ALPK3: variants seen among roughly 807,000 people sequenced by gnomAD.
ALPK3 encodes alpha kinase 3, also known as alpha-protein kinase 3.
Under a neutral mutation model 140.0 loss-of-function variants are expected in ALPK3, and 102 were observed. That is an observed-to-expected ratio of 0.73 (90% CI 0.62 to 0.86). ALPK3 has a LOEUF of 0.86. Among genes scored for constraint, ALPK3 ranks in the 40% least tolerant of loss-of-function variants. The probability of loss-of-function intolerance (pLI) is 0.00; values close to 1 mark genes in which losing one functional copy is unlikely to be tolerated. For missense variants in ALPK3, 2,254 were observed against 2,208.2 expected (o/e 1.02, Z -0.42); for synonymous variants, 938 against 898.5 (o/e 1.04, Z -0.79).
Position 84,859,859 on chromosome 15 carries a change from A to G in ALPK3, c.4049A>G (p.Asn1350Ser). ...DCGVYRCTIH[N>S]EHGSASTDFC... Reference sequence around the variant, plus strand: ...GGTGTGTATCGGTGCACCATCCACAATGAGCACGGCTCGGCCTCCACCGAC... The same window carrying G: ...GGTGTGTATCGGTGCACCATCCACAGTGAGCACGGCTCGGCCTCCACCGAC... The change falls in exon 8 of 14, where the codon AAT (asparagine) becomes AGT (serine). Residue 1350 changes from asparagine (N) to serine (S), a missense_variant. This residue lies in a region of ALPK3 where 2,088 missense variants were observed against 2,022.9 expected (regional missense o/e 1.03). Coordinates refer to ENST00000258888, the MANE Select transcript of ALPK3 (RefSeq NM_020778.5). 6.2e-7 allele frequency: 1 copy of G among 1,614,028 alleles called. No homozygotes were observed. Among genetic ancestry groups the G allele is most frequent in the Non-Finnish European group, 8.5e-7 (1 of 1,180,016 alleles).
intron 1 of ALPK3, among the ~76,000 whole-genome samples, chr15:84,822,625 A>G (rs1963440370): frequency 6.6e-6 from 1 of 152,160 alleles, no homozygotes; most frequent in Non-Finnish European, 1.5e-5. Context: ...TAAGTGGGCT[A>G]GACTCCACTA....
At chr15:84,828,391 A>C (rs1963512115) in intron 3 of ALPK3, among the ~76,000 whole-genome samples, 1 of 152,162 alleles carries the variant, frequency 6.6e-6, no homozygotes, top group Non-Finnish European at 1.5e-5. Flanking sequence ...CCTCTCCCCC[A>C]GATCACCCAG....
chr15:84,859,568 G>A (rs1963916393), intron 7 of ALPK3, among the ~76,000 whole-genome samples, 178 bp downstream of exon 7: 1 of 152,180 alleles, frequency 6.6e-6, no homozygotes, highest in Admixed American at 6.5e-5. Flanking sequence ...TAAGCCACTT[G>A]TCCAAAGCCA....
In ALPK3 at chr15:84,840,065, T is replaced by C. The variant is rs769935855; in HGVS notation, c.786T>C (p.Gly262=). The C allele has an allele frequency of 6.2e-6, 10 of 1,612,400 alleles. No homozygotes were observed. The highest frequency in any genetic ancestry group is 8.5e-6 in the Non-Finnish European group (10 of 1,179,568). ...EGETETAQHS[G]LGLINSFASG... is the part of the protein sequence containing the mutation. ...AGACTGAGACTGCTCAGCACTCAGGTTTGGGCCTGATCAACAGTTTTGCTT... is the reference window on the plus strand; with the variant it reads ...AGACTGAGACTGCTCAGCACTCAGGCTTGGGCCTGATCAACAGTTTTGCTT... The change falls in exon 5 of 14, where the codon GGT becomes GGC. Residue 262 remains glycine, a synonymous_variant. Coordinates refer to ENST00000258888, the MANE Select transcript of ALPK3 (RefSeq NM_020778.5).
chr15:84,840,299 T>C lies in ALPK3; in HGVS notation c.1020T>C (p.Arg340=), dbSNP rs1246271924. The C allele has an allele frequency of 2.5e-6, 4 of 1,614,012 alleles. No individual in the cohort carries two copies. The highest frequency in any genetic ancestry group is 2.5e-6 in the Non-Finnish European group (3 of 1,180,024). Reference sequence around the variant, plus strand: ...TAGAGAAGGCAGCCCAAAGCCGCCGTTCTTCAGAAAACTGCATCCCCAGCT... The same window carrying C: ...TAGAGAAGGCAGCCCAAAGCCGCCGCTCTTCAGAAAACTGCATCCCCAGCT... The part of the protein sequence containing the change: ...PELEKAAQSR[R]SSENCIPSSD... Residue 340 remains arginine, a synonymous_variant, in exon 5 of 14, where the codon CGT becomes CGC. Coordinates refer to ENST00000258888, the MANE Select transcript of ALPK3 (RefSeq NM_020778.5).
Position 84,862,672 on chromosome 15 carries a change from T to G in ALPK3, c.4167T>G (p.Ala1389=), listed in dbSNP as rs752626661. The G allele has an allele frequency of 4.3e-6, 7 of 1,614,132 alleles. No homozygotes were observed. Among genetic ancestry groups the G allele is most frequent in the Admixed American group, 3.3e-5 (2 of 60,024 alleles). The change falls in exon 10 of 14, where the codon GCT becomes GCG. Residue 1389 remains alanine (A), a synonymous_variant. Transcript: ENST00000258888. ...TTGAGATGACCCCTATGGTGTTTGC[T>G]AAGGGTCTGGCTGACTCTGGCTGCT... The part of the protein sequence containing the change: ...EEIEMTPMVF[A]KGLADSGCWG...
chr15:84,872,664 G>T lies in ALPK3; in HGVS notation c.*4208G>T, dbSNP rs191961770. The T allele has an allele frequency of 6.6e-6, 1 of 152,206 alleles. No individual in the cohort carries two copies. The highest frequency in any genetic ancestry group is 2.4e-5 in the African/African-American group (1 of 41,450). The allele number at this position is 152,206 out of a possible 1,614,324, so 9.4% of individuals were successfully genotyped here. On this transcript the variant is annotated 3_prime_UTR_variant, in exon 14 of 14. Transcript: ENST00000258888. Reference sequence around the variant, plus strand: ...ACCCCAGAACTTTATAGAAGGGGCAGACCTTGGCATTTTCACATGATTTAT... The same window carrying T: ...ACCCCAGAACTTTATAGAAGGGGCATACCTTGGCATTTTCACATGATTTAT...
chr15:84,840,465 C>A lies in ALPK3; in HGVS notation c.1186C>A (p.Pro396Thr). 1 of 1,613,694 alleles carries A rather than the reference C, an allele frequency of 6.2e-7. No homozygotes were observed. Among genetic ancestry groups the A allele is most frequent in the Non-Finnish European group, 8.5e-7 (1 of 1,179,866 alleles). Residue 396 changes from proline (P) to threonine (T), a missense_variant, in exon 5 of 14, where the codon CCA (proline) becomes ACA (threonine). Around this residue, in one of 3 missense-constraint regions of ALPK3, gnomAD observed 2,088 missense variants for 2,022.9 expected, o/e 1.03. Transcript: ENST00000258888. ...GAAGCCAGCCTCTGCTGTGGGCACTCCAGACAAGGCCCAGAAGGCCCCTGG... is the reference window on the plus strand; with the variant it reads ...GAAGCCAGCCTCTGCTGTGGGCACTACAGACAAGGCCCAGAAGGCCCCTGG... Reference protein sequence around the residue: ...TRKPASAVGTPDKAQKAPGPG... With the variant: ...TRKPASAVGTTDKAQKAPGPG...
rs1964033207 is a variant in ALPK3, at chr15:84,868,709, C to T, written c.*253C>T. The T allele has an allele frequency of 3.6e-6, 2 of 553,926 alleles. No individual in the cohort carries two copies. Among genetic ancestry groups the T allele is most frequent in the Admixed American group, 3.1e-5 (1 of 32,050 alleles). 34.3% of individuals were successfully genotyped at this position (553,926 alleles called of 1,614,324 possible). On this transcript the variant is annotated 3_prime_UTR_variant, in exon 14 of 14. Transcript: ENST00000258888. ...CCGGGCCTCAAGCAGTCCCCACCTC[C>T]AAGTGCCTGGCAACCTAGGCCCTCC...
In ALPK3 at chr15:84,870,834, A is replaced by G. The variant is rs1272578699; in HGVS notation, c.*2378A>G. The G allele has an allele frequency of 6.6e-6, 1 of 152,216 alleles. No individual in the cohort carries two copies. The allele number at this position is 152,216 out of a possible 1,614,324, so 9.4% of individuals were successfully genotyped here. On this transcript the variant is annotated 3_prime_UTR_variant, in exon 14 of 14. Coordinates refer to ENST00000258888, the MANE Select transcript of ALPK3 (RefSeq NM_020778.5). ...AATGGTGGAGTACGGAAGGGTGGAA[A>G]GGGTTTGGTAGGTAAACCCTGAAGA...
chr15:84,819,568 G>A (rs1000274769), intron 1 of ALPK3, among the ~76,000 whole-genome samples: 3 of 152,200 alleles, frequency 2.0e-5, no homozygotes, highest in African/African-American at 7.2e-5. Context: ...GGGAGCCACC[G>A]TACTGTCTGC....
chr15:84,867,366 G>T lies in ALPK3; in HGVS notation c.4772+1G>T. ...TGCAGATTGCTACCAAACTCCGAGG[G>T]TGAGTGGTTCTTGGGGACAGAATGC... is the stretch of plus-strand genomic sequence containing the variant. On this transcript the variant is annotated splice_donor_variant, in intron 13 of 13. Transcript: ENST00000258888. LOFTEE classifies it high-confidence loss of function. 7 of 1,614,036 alleles carry T rather than the reference G, an allele frequency of 4.3e-6. No individual in the cohort carries two copies. Among genetic ancestry groups the T allele is most frequent in the East Asian group, 2.2e-5 (1 of 44,780 alleles).
chr15:84,868,529 T>C lies in ALPK3; in HGVS notation c.*73T>C. The C allele has an allele frequency of 1.4e-6, 2 of 1,384,552 alleles. No individual in the cohort carries two copies. 85.8% of individuals were successfully genotyped at this position (1,384,552 alleles called of 1,614,324 possible). ...AGCAGCTTGAACTGGATGGAGACTT[T>C]CCAAATATGGAACTAACTGGAGAAG... On this transcript the variant is annotated 3_prime_UTR_variant, in exon 14 of 14. Coordinates refer to ENST00000258888, the MANE Select transcript of ALPK3 (RefSeq NM_020778.5).
rs1417828932 is a variant in ALPK3 at position 84,857,203 on chromosome 15, A to G, written c.2465A>G (p.Gln822Arg). 2 of 1,614,030 alleles carry G rather than the reference A, an allele frequency of 1.2e-6. No homozygotes were observed. The highest frequency in any genetic ancestry group is 2.2e-5 in the East Asian group (1 of 44,856). Residue 822 changes from glutamine to arginine, a missense_variant, in exon 6 of 14, where the codon CAG becomes CGG. Transcript: ENST00000258888. ...QVGGERCRGP[Q>R]SSGPVEAKQE... ...GGAGGAGAGAGATGCCGAGGGCCAC[A>G]GTCATCAGGCCCAGTCGAGGCCAAG...
At chr15:84,853,422 G>A (rs1033297210) in intron 5 of ALPK3, among the ~76,000 whole-genome samples, 1 of 152,086 alleles carries the variant, frequency 6.6e-6, no homozygotes, top group African/African-American at 2.4e-5. Context: ...AGACCAGCCT[G>A]GCCAACATAG....
In ALPK3 at chr15:84,871,728, C is replaced by T. The variant is rs1473441276; in HGVS notation, c.*3272C>T. On this transcript the variant is annotated 3_prime_UTR_variant, in exon 14 of 14. Coordinates refer to ENST00000258888, the MANE Select transcript of ALPK3 (RefSeq NM_020778.5). ...TGCCATAGTTGAATTTTCAACAAAC[C>T]ATTTCACCACCCTCTCAAGACAGCT... is the stretch of plus-strand genomic sequence containing the variant. 2 of 152,230 alleles carry T rather than the reference C, an allele frequency of 1.3e-5. No homozygotes were observed. The highest frequency in any genetic ancestry group is 2.9e-5 in the Non-Finnish European group (2 of 68,050). The allele number at this position is 152,230 out of a possible 1,614,324, so 9.4% of individuals were successfully genotyped here.
At chr15:84,834,511 A>G (rs1963578777) in intron 3 of ALPK3, among the ~76,000 whole-genome samples, 1 of 152,252 alleles carries the variant, frequency 6.6e-6, no homozygotes, top group African/African-American at 2.4e-5. Context: ...GCACATAGTA[A>G]GTCTTCATTA....
At chr15:84,838,918 G>A (rs927598196) in intron 3 of ALPK3, 62 bp from the exon 4 acceptor site, 10 of 1,467,996 alleles carry the variant, frequency 6.8e-6, no homozygotes, top group South Asian at 3.4e-5. Context: ...CACCGTGCCC[G>A]GCCTCTTCCC....
chr15:84,841,298 G>A (rs1963664060), intron 5 of ALPK3, among the ~76,000 whole-genome samples: 1 of 152,198 alleles, frequency 6.6e-6, no homozygotes, highest in Admixed American at 6.5e-5. Context: ...GGAGACGGAG[G>A]AGCAGGTGTG....
Sources: allele counts gnomAD v4.1 joint callset (sites outside exome capture counted in the v4.1 genomes callset), GRCh38; gene constraint gnomAD v4.1.1; regional missense constraint gnomAD v4.1.1; transcripts MANE v1.5; gene names NCBI Gene and HGNC (gene_info 2026-07-23, HGNC 2026-07-21).